The following ADD1 variants were observed in gnomAD, a reference collection of about 807,000 sequenced individuals.
ADD1 encodes alpha-adducin.
A neutral mutation model predicts 80.5 loss-of-function variants in ADD1; 24 were observed. The observed-to-expected ratio is 0.30, with a 90% CI of 0.22 to 0.42. ADD1 has a LOEUF of 0.42. Among genes scored for constraint, ADD1 ranks in the 10% least tolerant of loss-of-function variants. The probability of loss-of-function intolerance (pLI) is 1.00; values close to 1 mark genes in which losing one functional copy is unlikely to be tolerated. For synonymous variants in ADD1, 373 were observed against 393.8 expected (o/e 0.95, Z 0.63); for missense variants, 948 against 1,019.0 (o/e 0.93, Z 0.95).
chr4:2,894,805 T>G, intron 6 of ADD1, 74 bp downstream of exon 6: 1 of 1,463,452 alleles, frequency 6.8e-7, no homozygotes. Flanking sequence ...TCCTCTGAAT[T>G]GCCCTTGTTG....
At chr4:2,874,020 G>C (rs1339570148) in intron 1 of ADD1, among the ~76,000 whole-genome samples, 4 of 151,854 alleles carry the variant, frequency 2.6e-5, no homozygotes, top group Admixed American at 2.6e-4. Context: ...GACCAGCCCG[G>C]GCAACATAGT....
At chr4:2,887,107 G>T (rs1733504583) in intron 4 of ADD1, among the ~76,000 whole-genome samples, 1 of 152,126 alleles carries the variant, frequency 6.6e-6, no homozygotes, top group Admixed American at 6.6e-5. Context: ...TCTCCTTGGG[G>T]CTTAATACCG....
At chr4:2,908,636 G>A (rs1388962581) in intron 12 of ADD1, 32 bp downstream of exon 12, 3 of 1,582,258 alleles carry the variant, frequency 1.9e-6, no homozygotes, top group Non-Finnish European at 2.6e-6. Context: ...GACTTTAGTG[G>A]GTGGTGGCTG....
chr4:2,924,191 T>C (rs1231556552), intron 14 of ADD1, among the ~76,000 whole-genome samples: 2 of 152,176 alleles, frequency 1.3e-5, no homozygotes, highest in African/African-American at 4.8e-5. Flanking sequence ...TTAAAATGAA[T>C]ACAAATAAGC....
intron 14 of ADD1, among the ~76,000 whole-genome samples, chr4:2,915,745 A>AC (rs766029635): frequency 4.6e-5 from 7 of 151,992 alleles, no homozygotes; most frequent in Non-Finnish European, 7.4e-5. Context: ...AATCGCTTGA[A>AC]CCCGGGGGGC....
intron 1 of ADD1, among the ~76,000 whole-genome samples, chr4:2,864,614 C>A (rs1729271850): frequency 6.6e-6 from 1 of 151,976 alleles, no homozygotes; most frequent in Admixed American, 6.6e-5. Context: ...TTTTTGGAGT[C>A]CTGCTCTGTG....
At chr4:2,919,153 G>A (rs889554961) in intron 14 of ADD1, among the ~76,000 whole-genome samples, 16 of 152,160 alleles carry the variant, frequency 1.1e-4, no homozygotes, top group Non-Finnish European at 2.1e-4. Flanking sequence ...TGCATATGTT[G>A]AACCAGCCTT....
intron 2 of ADD1, chr4:2,876,401 T>TA: frequency 4.4e-6 from 1 of 226,164 alleles, no homozygotes. Context: ...AAATTACAAT[T>TA]AAAAAAATAC....
At chr4:2,885,061 A>T (rs944275115) in intron 4 of ADD1, among the ~76,000 whole-genome samples, 5 of 152,124 alleles carry the variant, frequency 3.3e-5, no homozygotes, top group Non-Finnish European at 4.4e-5. Flanking sequence ...CATTATTAGG[A>T]TCTCTTTTCC....
intron 11 of ADD1, among the ~76,000 whole-genome samples, 196 bp downstream of exon 11, chr4:2,908,040 C>T (rs934562291): frequency 6.6e-5 from 10 of 152,178 alleles, no homozygotes; most frequent in Non-Finnish European, 1.2e-4. Flanking sequence ...TTTTTTGGGC[C>T]CTATTGATTC....
intron 1 of ADD1, among the ~76,000 whole-genome samples, chr4:2,852,207 C>CCTTTCCTTCCTTTCCTTT (rs1727299661): frequency 7.6e-5 from 5 of 66,102 alleles, no homozygotes; most frequent in African/African-American, 3.0e-4. Flanking sequence ...TCCTTTCTTT[C>CCTTTCCTTCCTTTCCTTT]CTTTCCTTTC....
chr4:2,895,277 A>T (rs1480499764), intron 6 of ADD1, among the ~76,000 whole-genome samples: 1 of 152,014 alleles, frequency 6.6e-6, no homozygotes, highest in Non-Finnish European at 1.5e-5. Context: ...ATAACAGTAA[A>T]CAAAACAAAG....
chr4:2,926,018 T>A lies in ADD1; in HGVS notation c.1953T>A (p.Asn651Lys). The A allele has an allele frequency of 6.2e-7, 1 of 1,613,942 alleles. No individual in the cohort carries two copies. Among genetic ancestry groups the A allele is most frequent in the African/African-American group, 1.3e-5 (1 of 75,016 alleles). ...ATCCTTCTTGCTTCTCTGCAGAGAA[T>A]CTGGACGAGGCTAGAGAACAGAAAG... The part of the protein sequence containing the change: ...VERKQKGSEE[N>K]LDEAREQKEK... The change falls in exon 15 of 16, where the codon AAT becomes AAA. Residue 651 changes from asparagine to lysine, a missense_variant. By Grantham distance (94) the Asn-to-Lys change is moderately conservative. Transcript: ENST00000683351. The surrounding 1 kb of genome is among the most constrained non-coding windows in gnomAD (Gnocchi z 5.0).
intron 6 of ADD1, among the ~76,000 whole-genome samples, chr4:2,895,920 C>T (rs1735121149): frequency 6.6e-6 from 1 of 150,606 alleles, no homozygotes; most frequent in Non-Finnish European, 1.5e-5. Context: ...CGGAGTCTCG[C>T]TCTGTCATCC....
intron 15 of ADD1, among the ~76,000 whole-genome samples, chr4:2,927,225 A>G (rs1364684840): frequency 6.6e-6 from 1 of 152,158 alleles, no homozygotes; most frequent in Non-Finnish European, 1.5e-5. Context: ...AGCGGGCCCC[A>G]TCTCCTCAGG....
intron 4 of ADD1, among the ~76,000 whole-genome samples, chr4:2,891,727 C>T (rs1448356409): frequency 6.6e-6 from 1 of 152,206 alleles, no homozygotes; most frequent in African/African-American, 2.4e-5. Flanking sequence ...GTGCCCAGAA[C>T]ACCATAGCCA....
intron 2 of ADD1, among the ~76,000 whole-genome samples, chr4:2,881,279 A>G (rs1310289890): frequency 6.6e-6 from 1 of 151,876 alleles, no homozygotes; most frequent in Non-Finnish European, 1.5e-5. Flanking sequence ...GGGTTTCACC[A>G]TGTTGGCCAG....
rs574470876 is a variant in ADD1, at chr4:2,914,881, C to T, written c.1792-3C>T. 4 of 1,607,648 alleles carry T rather than the reference C, an allele frequency of 2.5e-6. No individual in the cohort carries two copies. Among genetic ancestry groups the T allele is most frequent in the African/African-American group, 1.3e-5 (1 of 74,870 alleles). ...GCAGACCAGATGTGCCTTTCATCCA[C>T]AGGGAGAGCTGGTGACGGCCTCCAA... is the stretch of plus-strand genomic sequence containing the variant. On this transcript the variant is annotated splice_region_variant and splice_polypyrimidine_tract_variant and intron_variant, in intron 13 of 15. Coordinates refer to ENST00000683351, the MANE Select transcript of ADD1 (RefSeq NM_001354761.2).
chr4:2,926,161 G>T lies in ADD1; in HGVS notation c.2047+49G>T. 7 of 1,513,876 alleles carry T rather than the reference G, an allele frequency of 4.6e-6. No homozygotes were observed. Among genetic ancestry groups the T allele is most frequent in the Non-Finnish European group, 6.4e-6 (7 of 1,089,996 alleles). The allele number at this position is 1,513,876 out of a possible 1,614,324, so 93.8% of individuals were successfully genotyped here. A position where few individuals can be genotyped will look rare whatever the true frequency, so the allele number is the denominator to read the frequency against. On this transcript the variant is annotated intron_variant, in intron 15 of 15. Coordinates refer to ENST00000683351, the MANE Select transcript of ADD1 (RefSeq NM_001354761.2). The surrounding 1 kb of genome is among the most constrained non-coding windows in gnomAD (Gnocchi z 5.0). ...GCCACTGTGGGAGGGTGCACGGCTC[G>T]TGCGCGCTGTGGCGGAATGTGGCGG...
Sources: gnomAD v4.1 joint callset for allele counts (sites outside exome capture counted in the v4.1 genomes callset) on GRCh38, gnomAD v4.1.1 for gene constraint, Gnocchi (gnomAD v3.1) non-coding constraint, MANE v1.5 for transcripts, NCBI Gene and HGNC (gene_info 2026-07-23, HGNC 2026-07-21) for gene names.